Variants in NLGN1 observed in about 807,000 individuals in gnomAD.
NLGN1 encodes the protein neuroligin-1.
A neutral mutation model predicts 65.5 loss-of-function variants in NLGN1; 12 were observed. The ratio of observed to expected loss-of-function variants is 0.18; its 90% CI spans 0.12 to 0.30. The LOEUF is 0.30. Ranked by LOEUF, NLGN1 falls within the 10% of genes least tolerant of loss-of-function variation. NLGN1 has a pLI of 1.00. For synonymous variants in NLGN1, 350 were observed against 359.5 expected (o/e 0.97, Z 0.30); for missense variants, 750 against 1,007.1 (o/e 0.74, Z 3.46).
At chr3:173,943,490 T>A (rs1423068633) in intron 4 of NLGN1, among the ~76,000 whole-genome samples, 1 of 152,140 alleles carries the variant, frequency 6.6e-6, no homozygotes, top group Non-Finnish European at 1.5e-5. Context: ...TGAAAGTACA[T>A]GCACAGTGAA....
intron 4 of NLGN1, among the ~76,000 whole-genome samples, chr3:174,162,342 A>G (rs1577162278): frequency 6.6e-6 from 1 of 151,936 alleles, no homozygotes; most frequent in African/African-American, 2.4e-5. Flanking sequence ...TGTATCAATA[A>G]AACATCTAGG....
At chr3:173,694,120 T>G (rs181187941) in intron 3 of NLGN1, among the ~76,000 whole-genome samples, 1 of 152,210 alleles carries the variant, frequency 6.6e-6, no homozygotes, top group African/African-American at 2.4e-5. Context: ...GCTCTGTTAG[T>G]GATTTTGTAT....
chr3:173,987,879 G>A (rs1438482175), intron 4 of NLGN1, among the ~76,000 whole-genome samples: 1 of 152,124 alleles, frequency 6.6e-6, no homozygotes, highest in African/African-American at 2.4e-5. Flanking sequence ...ATGGTCAGTT[G>A]TAGTCATGGC....
At chr3:173,955,828 T>G (rs1472594593) in intron 4 of NLGN1, among the ~76,000 whole-genome samples, 1 of 152,140 alleles carries the variant, frequency 6.6e-6, no homozygotes, top group African/African-American at 2.4e-5. Context: ...GAAATTTCTA[T>G]TATTATTTAA....
intron 4 of NLGN1, among the ~76,000 whole-genome samples, chr3:174,029,815 T>C (rs746414930): frequency 5.9e-5 from 9 of 152,148 alleles, no homozygotes; most frequent in Non-Finnish European, 1.3e-4. Context: ...GTTTTATAAA[T>C]GGGAGTTCCC....
chr3:174,162,724 T>C (rs1264012130), intron 4 of NLGN1, among the ~76,000 whole-genome samples: 1 of 151,296 alleles, frequency 6.6e-6, no homozygotes, highest in East Asian at 1.9e-4. Flanking sequence ...AAAACAGTCC[T>C]ATGACTGTTC....
At chr3:174,192,326 C>T (rs1302533605) in intron 4 of NLGN1, among the ~76,000 whole-genome samples, 1 of 152,042 alleles carries the variant, frequency 6.6e-6, no homozygotes, top group African/African-American at 2.4e-5. Context: ...AATCAAGTAA[C>T]CAGGATTTTT....
Position 173,439,870 on chromosome 3 carries a change from T to C in NLGN1, c.-321+4792T>C, listed in dbSNP as rs1321711761. Among the ~76,000 whole-genome samples the C allele has an allele frequency of 3.9e-5, 6 of 152,098 alleles. No individual in the cohort carries two copies. In the East Asian group the frequency reaches 1.2e-3, roughly 29 times the overall value. On this transcript the variant is annotated intron_variant, in intron 2 of 6. Transcript: ENST00000457714. ...TGATCAGAGTGGTGGTTGCTAAAAA[T>C]TGGGGTGACTCTGGGAACTTTTTCA... is the stretch of plus-strand genomic sequence containing the variant.
At chr3:173,835,580 TACACACACAC>T (rs57183549) in intron 4 of NLGN1, among the ~76,000 whole-genome samples, 3 of 146,384 alleles carry the variant, frequency 2.0e-5, no homozygotes, top group Non-Finnish European at 4.5e-5. Flanking sequence ...TTCAAACACA[TACACACACAC>T]ACACACACAC....
At chr3:173,468,219 A>G (rs574576644) in intron 2 of NLGN1, among the ~76,000 whole-genome samples, 1 of 152,192 alleles carries the variant, frequency 6.6e-6, no homozygotes, top group South Asian at 2.1e-4. Context: ...CAATGAATAA[A>G]TAACTGGATT....
chr3:173,892,417 A>T (rs1735523136), intron 4 of NLGN1, among the ~76,000 whole-genome samples: 1 of 152,062 alleles, frequency 6.6e-6, no homozygotes, highest in African/African-American at 2.4e-5. Flanking sequence ...TGTATGTTTT[A>T]TATACATCAT....
chr3:173,585,074 G>A (rs1170278153), intron 2 of NLGN1: 1 of 152,446 alleles, frequency 6.6e-6, no homozygotes, highest in East Asian at 1.9e-4. Context: ...GGCTGCCAGG[G>A]TTTTGTGCCA....
At chr3:173,724,275 T>G (rs1339820980) in intron 3 of NLGN1, among the ~76,000 whole-genome samples, 1 of 152,238 alleles carries the variant, frequency 6.6e-6, no homozygotes, top group Non-Finnish European at 1.5e-5. Flanking sequence ...CATTTTTCAC[T>G]ACTATTCACA....
chr3:173,872,031 G>C (rs1026096275), intron 4 of NLGN1, among the ~76,000 whole-genome samples: 2 of 152,150 alleles, frequency 1.3e-5, no homozygotes, highest in Non-Finnish European at 1.5e-5. Context: ...ATGGCCCACC[G>C]TGAGGGGGGG....
At chr3:174,221,609 T>TC (rs1162885413) in intron 4 of NLGN1, among the ~76,000 whole-genome samples, 1 of 151,742 alleles carries the variant, frequency 6.6e-6, no homozygotes, top group African/African-American at 2.4e-5. Context: ...ATTAATTTTT[T>TC]TTTTTTCTAA....
chr3:173,618,935 G>A (rs1028871296), intron 3 of NLGN1, among the ~76,000 whole-genome samples: 2 of 152,136 alleles, frequency 1.3e-5, no homozygotes, highest in Admixed American at 6.6e-5. Context: ...GGCAGGGCTG[G>A]CTTCATGGGC....
At chr3:173,411,087 G>A (rs149552595) in intron 1 of NLGN1, among the ~76,000 whole-genome samples, 1 of 152,308 alleles carries the variant, frequency 6.6e-6, no homozygotes, top group Non-Finnish European at 1.5e-5. Flanking sequence ...TAACATTCTG[G>A]CTGGTGGTGG....
At chr3:174,274,074 AAGAG>A (rs138414143) in intron 4 of NLGN1, among the ~76,000 whole-genome samples, 1 of 151,682 alleles carries the variant, frequency 6.6e-6, no homozygotes, top group Non-Finnish European at 1.5e-5. Context: ...AGTCTCCAAT[AAGAG>A]AGAATGAATT....
chr3:173,805,467 A>G (rs1210443674), intron 3 of NLGN1, among the ~76,000 whole-genome samples: 1 of 152,198 alleles, frequency 6.6e-6, no homozygotes, highest in East Asian at 1.9e-4. Flanking sequence ...CACTCAAAAT[A>G]GCTCCTAGAA....
Sources: gnomAD v4.1 joint callset for allele counts (sites outside exome capture counted in the v4.1 genomes callset) on GRCh38, gnomAD v4.1.1 for gene constraint, MANE v1.5 for transcripts, NCBI Gene and HGNC (gene_info 2026-07-23, HGNC 2026-07-21) for gene names.